The following PARD6G variants were observed in gnomAD, a reference collection of about 807,000 sequenced individuals.
The protein encoded by PARD6G is partitioning defective 6 homolog gamma.
PARD6G carries 7 observed loss-of-function variants against 10.7 expected under a neutral mutation model. The observed-to-expected ratio is 0.66, with a 90% CI of 0.37 to 1.23. The LOEUF is 1.23. PARD6G is among the 50% of genes most tolerant of loss of function. The probability of loss-of-function intolerance (pLI) is 0.02; values close to 1 mark genes in which losing one functional copy is unlikely to be tolerated. For synonymous variants in PARD6G, 287 were observed against 269.4 expected, an observed-to-expected ratio of 1.07 and a Z score of -0.64; for missense variants, 548 against 571.8, an observed-to-expected ratio of 0.96 and a Z score of 0.42.
chr18:80,242,355 C>T (rs908955496), intron 1 of PARD6G, among the ~76,000 whole-genome samples: 2 of 152,262 alleles, frequency 1.3e-5, no homozygotes, highest in South Asian at 2.1e-4. Context: ...GTGTCAGCCA[C>T]CCAATGGGGA....
intron 2 of PARD6G, among the ~76,000 whole-genome samples, chr18:80,174,379 G>C (rs1049410614): frequency 1.3e-5 from 2 of 152,114 alleles, no homozygotes; most frequent in Non-Finnish European, 2.9e-5. Flanking sequence ...GTGACAGCAG[G>C]GTGATCGACA....
intron 1 of PARD6G, among the ~76,000 whole-genome samples, chr18:80,210,219 C>A (rs1462917142): frequency 2.0e-5 from 3 of 152,130 alleles, no homozygotes; most frequent in Non-Finnish European, 4.4e-5. Context: ...CCAAGCACTT[C>A]CAGAATGGAA....
intron 1 of PARD6G, among the ~76,000 whole-genome samples, chr18:80,218,923 A>G (rs1967199627): frequency 6.6e-6 from 1 of 152,210 alleles, no homozygotes; most frequent in Non-Finnish European, 1.5e-5. Context: ...CATCTGAAGC[A>G]ACCACCTGAG....
intron 2 of PARD6G, chr18:80,169,369 A>G (rs1334202525): frequency 1.3e-5 from 2 of 152,272 alleles, no homozygotes; most frequent in Admixed American, 6.5e-5. Context: ...AAATTTAGGC[A>G]TGGCAGCACT....
rs758947894 is a variant in PARD6G, at chr18:80,247,277, C to T, written c.72G>A (p.Lys24=). The change falls in exon 1 of 3, where the codon AAG becomes AAA. Residue 24 remains lysine (K), a splice_region_variant and synonymous_variant. Transcript: ENST00000353265. This position sits in a 1 kb window ranked among gnomAD's most constrained non-coding sequence, Gnocchi z 4.2. ...YDCSAVEVKS[K]FGAEFRRFSL... ...CCGCCGGGGCGGGCGGGGGGCTTAC[C>T]TTGCTCTTGACTTCCACTGCGCTGC... 17 of 1,576,748 alleles carry T rather than the reference C, an allele frequency of 1.1e-5. No homozygotes were observed. In the South Asian group the frequency reaches 1.7e-4, roughly 16 times the overall value.
chr18:80,188,511 G>A lies in PARD6G; in HGVS notation c.295+14199C>T, dbSNP rs534666859. On this transcript the variant is annotated intron_variant, in intron 2 of 2. Transcript: ENST00000353265. The surrounding 1 kb of genome is among the most constrained non-coding windows in gnomAD (Gnocchi z 5.4). ...CCCAAGTTCTGACAGCCCAAAACCCGGCAGGACCCTCCTAGTACAGGCGCC... is the reference window on the plus strand; with the variant it reads ...CCCAAGTTCTGACAGCCCAAAACCCAGCAGGACCCTCCTAGTACAGGCGCC... Among the ~76,000 whole-genome samples the A allele has an allele frequency of 3.6e-4, 55 of 152,300 alleles. 1 individual carries two copies. The South Asian group carries it at 7.5e-3, about 21-fold the overall frequency.
chr18:80,198,636 C>G (rs946931199), intron 2 of PARD6G, among the ~76,000 whole-genome samples: 2 of 152,216 alleles, frequency 1.3e-5, no homozygotes, highest in African/African-American at 4.8e-5. Context: ...ACTCACCAGG[C>G]TTGGAGCCCT....
rs1967326200 is a variant in PARD6G at position 80,228,813 on chromosome 18, C to T, written c.72+18464G>A. ...GTGAACAACTGCAGGTGATCAGAAA[C>T]AGAGACAGATTCCCACAGGAAATGT... On this transcript the variant is annotated intron_variant, in intron 1 of 2. Transcript: ENST00000353265. The surrounding 1 kb of genome is among the most constrained non-coding windows in gnomAD (Gnocchi z 4.6). 6.6e-6 allele frequency among the ~76,000 whole-genome samples: 1 copy of T among 152,216 alleles called. No homozygotes were observed. The highest frequency in any genetic ancestry group is 2.4e-5 in the African/African-American group (1 of 41,448).
chr18:80,225,422 C>A (rs1967279776), intron 1 of PARD6G, among the ~76,000 whole-genome samples: 1 of 152,138 alleles, frequency 6.6e-6, no homozygotes, highest in African/African-American at 2.4e-5. Flanking sequence ...GATGCACATA[C>A]ATGATTTTTA....
chr18:80,188,843 C>A lies in PARD6G; in HGVS notation c.295+13867G>T, dbSNP rs962092189. Reference sequence around the variant, plus strand: ...GAGATGGGCTTGCGGGGAAGTCAGGCGGGTGCAATCCCTACCGTTTCCCCA... The same window carrying A: ...GAGATGGGCTTGCGGGGAAGTCAGGAGGGTGCAATCCCTACCGTTTCCCCA... On this transcript the variant is annotated intron_variant, in intron 2 of 2. Coordinates refer to ENST00000353265, the MANE Select transcript of PARD6G (RefSeq NM_032510.4). The surrounding 1 kb of genome is among the most constrained non-coding windows in gnomAD (Gnocchi z 5.4). 6.6e-6 allele frequency among the ~76,000 whole-genome samples: 1 copy of A among 152,130 alleles called. No homozygotes were observed. Among genetic ancestry groups the A allele is most frequent in the Non-Finnish European group, 1.5e-5 (1 of 68,022 alleles).
intron 2 of PARD6G, among the ~76,000 whole-genome samples, chr18:80,177,216 G>GCACACA (rs1491357384): frequency 1.2e-3 from 56 of 48,168 alleles, no homozygotes; most frequent in African/African-American, 9.6e-3. Flanking sequence ...TAAATGGGAA[G>GCACACA]CGCACACACA....
At chr18:80,167,541 C>T (rs1027782348) in intron 2 of PARD6G, among the ~76,000 whole-genome samples, 1 of 152,074 alleles carries the variant, frequency 6.6e-6, no homozygotes, top group African/African-American at 2.4e-5. Flanking sequence ...GCAGCAGCAA[C>T]GCTCCACCAT....
At chr18:80,218,382 A>G (rs1236323592) in intron 1 of PARD6G, among the ~76,000 whole-genome samples, 1 of 152,124 alleles carries the variant, frequency 6.6e-6, no homozygotes, top group East Asian at 1.9e-4. Flanking sequence ...CAAAAGGGCT[A>G]CAGGCCCCAT....
At chr18:80,176,700 C>G (rs911543842) in intron 2 of PARD6G, among the ~76,000 whole-genome samples, 4 of 152,198 alleles carry the variant, frequency 2.6e-5, no homozygotes, top group Non-Finnish European at 5.9e-5. Context: ...AAGCCTCCCC[C>G]CTCATTGCCT....
intron 2 of PARD6G, among the ~76,000 whole-genome samples, chr18:80,165,016 G>A (rs1204878969): frequency 6.6e-6 from 1 of 152,112 alleles, no homozygotes; most frequent in Non-Finnish European, 1.5e-5. Context: ...CACTGATAAG[G>A]GTCTATGTTC....
At chr18:80,236,667 A>C (rs1967426483) in intron 1 of PARD6G, among the ~76,000 whole-genome samples, 1 of 152,216 alleles carries the variant, frequency 6.6e-6, no homozygotes, top group African/African-American at 2.4e-5. Flanking sequence ...CAGGGTACAA[A>C]ATCGATGTGC....
At chr18:80,203,322 G>C (rs1023993827) in intron 1 of PARD6G, among the ~76,000 whole-genome samples, 37 of 152,122 alleles carry the variant, frequency 2.4e-4, no homozygotes, top group African/African-American at 8.7e-4. Flanking sequence ...GGGAGATAGT[G>C]ACAAACAGCT....
chr18:80,222,275 A>T (rs991611751), intron 1 of PARD6G, among the ~76,000 whole-genome samples: 28 of 151,828 alleles, frequency 1.8e-4, no homozygotes, highest in African/African-American at 6.0e-4. Flanking sequence ...TTTTGTAGAG[A>T]TGGAGTCATT....
In PARD6G at chr18:80,161,275, G is replaced by A. The variant is rs901779933; in HGVS notation, c.296-669C>T. 6.6e-6 allele frequency among the ~76,000 whole-genome samples: 1 copy of A among 152,070 alleles called. No homozygotes were observed. Among genetic ancestry groups the A allele is most frequent in the African/African-American group, 2.4e-5 (1 of 41,398 alleles). On this transcript the variant is annotated intron_variant, in intron 2 of 2. Transcript: ENST00000353265. The surrounding 1 kb of genome is among the most constrained non-coding windows in gnomAD (Gnocchi z 4.6). ...CAGTCAGTGCTATTTGTAGGCACAT[G>A]GAGCCTCAAGGCTCACCAATATGCC... is the stretch of plus-strand genomic sequence containing the variant.
Sources: allele counts gnomAD v4.1 joint callset (sites outside exome capture counted in the v4.1 genomes callset), GRCh38; gene constraint gnomAD v4.1.1; non-coding constraint Gnocchi (gnomAD v3.1); transcripts MANE v1.5; gene names NCBI Gene and HGNC (gene_info 2026-07-23, HGNC 2026-07-21).